RBPJ: variants seen among roughly 807,000 people sequenced by gnomAD.
RBPJ encodes the protein recombining binding protein suppressor of hairless.
A neutral mutation model predicts 67.8 loss-of-function variants in RBPJ; 9 were observed. The observed-to-expected ratio is 0.13, with a 90% CI of 0.08 to 0.23. The LOEUF (loss-of-function observed/expected upper bound fraction) is 0.23, where lower values mean the gene tolerates loss of function less well. Among genes scored for constraint, RBPJ ranks in the 10% least tolerant of loss-of-function variants. The pLI, the probability that RBPJ is intolerant of heterozygous loss-of-function variation, is 1.00. For missense variants in RBPJ, 305 were observed against 595.6 expected (o/e 0.51, Z 5.08); for synonymous variants, 198 against 203.3 (o/e 0.97, Z 0.22).
chr4:26,244,363 GCACA>G (rs1719824153), intron 1 of RBPJ, among the ~76,000 whole-genome samples: 2 of 30,744 alleles, frequency 6.5e-5, no homozygotes, highest in Non-Finnish European at 1.3e-4. Flanking sequence ...ATATATGTAT[GCACA>G]TATGTGTACA....
chr4:26,202,919 A>C (rs1281757828), intron 1 of RBPJ, among the ~76,000 whole-genome samples: 2 of 150,846 alleles, frequency 1.3e-5, no homozygotes, highest in Non-Finnish European at 3.0e-5. Context: ...TGTCAAAAAA[A>C]AAAGAAAAAG....
At chr4:26,413,391 A>G (rs937453575) in intron 3 of RBPJ, among the ~76,000 whole-genome samples, 17 of 152,124 alleles carry the variant, frequency 1.1e-4, no homozygotes, top group Non-Finnish European at 1.5e-5. Context: ...ATCACCAGCT[A>G]ATGGAGTACA....
At chr4:26,421,045 C>T (rs533157554) in intron 5 of RBPJ, among the ~76,000 whole-genome samples, 1 of 152,136 alleles carries the variant, frequency 6.6e-6, no homozygotes, top group East Asian at 1.9e-4. Flanking sequence ...AATTGAATGT[C>T]CTGCAGTGTC....
chr4:26,358,353 AG>A (rs1400148345), intron 1 of RBPJ, among the ~76,000 whole-genome samples: 1 of 152,152 alleles, frequency 6.6e-6, no homozygotes, highest in Non-Finnish European at 1.5e-5. Flanking sequence ...GATTACCATA[AG>A]GAAGTGTAAT....
At chr4:26,266,006 T>C (rs772810025) in intron 1 of RBPJ, among the ~76,000 whole-genome samples, 4 of 151,796 alleles carry the variant, frequency 2.6e-5, no homozygotes, top group Non-Finnish European at 5.9e-5. Context: ...ACTCCAGCTC[T>C]GAGCAACAGA....
intron 1 of RBPJ, among the ~76,000 whole-genome samples, chr4:26,176,550 G>A (rs566966606): frequency 6.6e-6 from 1 of 152,340 alleles, no homozygotes; most frequent in African/African-American, 2.4e-5. Flanking sequence ...CACCGTGCTT[G>A]CTAACTAAGA....
chr4:26,117,372 A>C, the RBPJ span, among the ~76,000 whole-genome samples: 1 of 152,076 alleles, frequency 6.6e-6, no homozygotes, highest in Non-Finnish European at 1.5e-5. Context: ...AAGTTCTAAC[A>C]ATCTCCCTCA....
the RBPJ span, among the ~76,000 whole-genome samples, chr4:26,134,063 T>A: frequency 6.6e-6 from 1 of 152,148 alleles, no homozygotes; most frequent in Non-Finnish European, 1.5e-5. Context: ...TGGTATAGTG[T>A]GAGGGTTCCT....
chr4:26,119,039 AC>A, the RBPJ span, among the ~76,000 whole-genome samples: 1 of 152,202 alleles, frequency 6.6e-6, no homozygotes, highest in Non-Finnish European at 1.5e-5. Context: ...GTGATCTTTA[AC>A]AGGGTATTGC....
At chr4:26,420,430 T>G in intron 4 of RBPJ, 121 bp from the exon 5 acceptor site, 1 of 573,998 alleles carries the variant, frequency 1.7e-6, no homozygotes, top group Non-Finnish European at 2.9e-6. Context: ...TAGAGTTGGT[T>G]TTATCAGCTA....
At chr4:26,416,250 A>C (rs542913409) in intron 4 of RBPJ, among the ~76,000 whole-genome samples, 4 of 152,082 alleles carry the variant, frequency 2.6e-5, no homozygotes, top group African/African-American at 9.7e-5. Flanking sequence ...GAAAGCAGTC[A>C]ATCTAGATCT....
intron 1 of RBPJ, among the ~76,000 whole-genome samples, chr4:26,180,426 C>T (rs541701020): frequency 1.9e-4 from 29 of 151,914 alleles, no homozygotes; most frequent in African/African-American, 7.0e-4. Context: ...TGTTTGTAAA[C>T]ATCAGAATCT....
chr4:26,164,209 A>G (rs779364572), intron 1 of RBPJ, among the ~76,000 whole-genome samples: 1 of 152,214 alleles, frequency 6.6e-6, no homozygotes. Flanking sequence ...TGTCTTCAAC[A>G]TTGTAATTTA....
At chr4:26,400,621 T>C (rs928311805) in intron 2 of RBPJ, among the ~76,000 whole-genome samples, 1 of 152,244 alleles carries the variant, frequency 6.6e-6, no homozygotes, top group African/African-American at 2.4e-5. Context: ...TTTAATGTTT[T>C]AATATTCTGT....
chr4:26,320,861 G>A, upstream of RBPJ: 1 of 1,571,472 alleles, frequency 6.4e-7, no homozygotes, highest in Non-Finnish European at 8.6e-7. Flanking sequence ...TACTCTGCGG[G>A]CGGCGCGAGG....
At chr4:26,143,718 G>C in the RBPJ span, among the ~76,000 whole-genome samples, 1 of 152,314 alleles carries the variant, frequency 6.6e-6, no homozygotes, top group South Asian at 2.1e-4. Flanking sequence ...CTTGAGCCCA[G>C]GAGTTCAAGG....
At chr4:26,240,740 T>C (rs1719607631) in intron 1 of RBPJ, among the ~76,000 whole-genome samples, 2 of 152,208 alleles carry the variant, frequency 1.3e-5, no homozygotes. Flanking sequence ...GATTTTCTTC[T>C]TGAAATTTTC....
intron 1 of RBPJ, among the ~76,000 whole-genome samples, chr4:26,340,866 AC>A (rs1332311754): frequency 5.3e-5 from 8 of 151,594 alleles, no homozygotes; most frequent in Non-Finnish European, 1.0e-4. Context: ...TCAAAAAAAA[AC>A]AAAAGAAAAA....
At chr4:26,184,813 C>T (rs1717170325) in intron 1 of RBPJ, among the ~76,000 whole-genome samples, 1 of 152,116 alleles carries the variant, frequency 6.6e-6, no homozygotes, top group South Asian at 2.1e-4. Flanking sequence ...GTAATAGATA[C>T]CAATCTGTCT....
Sources: gnomAD v4.1 joint callset for allele counts (sites outside exome capture counted in the v4.1 genomes callset) on GRCh38, gnomAD v4.1.1 for gene constraint, MANE v1.5 for transcripts, NCBI Gene and HGNC (gene_info 2026-07-23, HGNC 2026-07-21) for gene names.